Variants in CREB5 observed in about 807,000 individuals in gnomAD.
The protein encoded by CREB5 is cAMP responsive element binding protein 5, also known as cyclic AMP-responsive element-binding protein 5.
In CREB5, 19 loss-of-function variants were observed where a neutral mutation model predicts 57.1. That is an observed-to-expected ratio of 0.33 (90% CI 0.23 to 0.49). The LOEUF is 0.49. Among genes scored for constraint, CREB5 ranks in the 20% least tolerant of loss-of-function variants. The probability of loss-of-function intolerance (pLI) is 0.99; values close to 1 mark genes in which losing one functional copy is unlikely to be tolerated. For missense variants in CREB5, 579 were observed against 671.6 expected (o/e 0.86, Z 1.52); for synonymous variants, 238 against 238.3 (o/e 1.00, Z 0.01).
intron 4 of CREB5, among the ~76,000 whole-genome samples, chr7:28,561,007 T>TGTGC (rs1562798507): frequency 2.3e-5 from 1 of 44,068 alleles, no homozygotes; most frequent in Non-Finnish European, 4.2e-5. Context: ...TGCGTGTGCG[T>TGTGC]GTGTGTGTGC....
intron 5 of CREB5, among the ~76,000 whole-genome samples, chr7:28,607,721 C>A (rs1470786626): frequency 6.8e-6 from 1 of 147,268 alleles, no homozygotes; most frequent in African/African-American, 2.5e-5. Context: ...AAAATAAGAC[C>A]AGTGCCCACA....
intron 4 of CREB5, among the ~76,000 whole-genome samples, chr7:28,530,613 G>A (rs896936711): frequency 2.0e-5 from 3 of 152,196 alleles, no homozygotes; most frequent in African/African-American, 4.8e-5. Context: ...TCATATAAAA[G>A]GCTATGCAAA....
chr7:28,777,593 C>T (rs1232280416), intron 7 of CREB5, among the ~76,000 whole-genome samples: 2 of 152,164 alleles, frequency 1.3e-5, no homozygotes, highest in African/African-American at 4.8e-5. Context: ...GTCCTGCAAA[C>T]ACCACTGCAA....
At chr7:28,369,471 A>C (rs970657320) in intron 1 of CREB5, among the ~76,000 whole-genome samples, 1 of 146,294 alleles carries the variant, frequency 6.8e-6, no homozygotes, top group African/African-American at 2.4e-5. Context: ...CATTGTGGGC[A>C]AGTCACATCA....
At chr7:28,586,612 A>G (rs1796316460) in intron 5 of CREB5, among the ~76,000 whole-genome samples, 1 of 152,242 alleles carries the variant, frequency 6.6e-6, no homozygotes, top group Admixed American at 6.5e-5. Context: ...AAACTTAATC[A>G]CATTCACCAG....
intron 1 of CREB5, among the ~76,000 whole-genome samples, chr7:28,316,921 T>C (rs1411301966): frequency 6.6e-6 from 1 of 151,788 alleles, no homozygotes; most frequent in Non-Finnish European, 1.5e-5. Context: ...TGAAGATTGT[T>C]GAAAGAGCAG....
chr7:28,722,584 G>A (rs188393584), intron 6 of CREB5, among the ~76,000 whole-genome samples: 1 of 152,266 alleles, frequency 6.6e-6, no homozygotes, highest in Non-Finnish European at 1.5e-5. Context: ...TGTTATTTGT[G>A]TTTTACCACA....
At chr7:28,758,371 T>C (rs1393770753) in intron 7 of CREB5, among the ~76,000 whole-genome samples, 2 of 152,218 alleles carry the variant, frequency 1.3e-5, no homozygotes, top group African/African-American at 4.8e-5. Flanking sequence ...GAAAGGTTTG[T>C]TGTCACTGTT....
At chr7:28,370,672 A>G (rs143589621) in intron 1 of CREB5, among the ~76,000 whole-genome samples, 1 of 152,232 alleles carries the variant, frequency 6.6e-6, no homozygotes, top group African/African-American at 2.4e-5. Flanking sequence ...GACACTGCAG[A>G]AAATGTACGC....
intron 7 of CREB5, among the ~76,000 whole-genome samples, chr7:28,788,666 A>C (rs1859684): frequency 0.59 from 89,274 of 152,000 alleles, 26,685 homozygotes; most frequent in Non-Finnish European, 0.62. Context: ...AGAGAAGTGC[A>C]GAATGAGGAG....
At chr7:28,449,429 T>G (rs1789675410) in intron 1 of CREB5, among the ~76,000 whole-genome samples, 1 of 152,220 alleles carries the variant, frequency 6.6e-6, no homozygotes, top group African/African-American at 2.4e-5. Flanking sequence ...ACCTTCCCTT[T>G]GTGGCCCATC....
At chr7:28,389,482 C>A (rs550119267) in intron 1 of CREB5, among the ~76,000 whole-genome samples, 82 of 152,230 alleles carry the variant, frequency 5.4e-4, no homozygotes, top group African/African-American at 1.8e-3. Context: ...AAAATGGAGA[C>A]CTCATGGACA....
intron 1 of CREB5, among the ~76,000 whole-genome samples, chr7:28,441,826 T>A (rs1789196727): frequency 6.6e-6 from 1 of 152,212 alleles, no homozygotes; most frequent in South Asian, 2.1e-4. Flanking sequence ...AAAACTTTTT[T>A]AAATTTTAAA....
chr7:28,788,538 A>C (rs1447520194), intron 7 of CREB5, among the ~76,000 whole-genome samples: 34 of 152,238 alleles, frequency 2.2e-4, no homozygotes, highest in Admixed American at 2.2e-3. Context: ...AATGGAATCT[A>C]CTGCATTTTG....
At chr7:28,394,137 G>A (rs1164516140) in intron 1 of CREB5, among the ~76,000 whole-genome samples, 6 of 136,550 alleles carry the variant, frequency 4.4e-5, no homozygotes, top group East Asian at 4.1e-4. Flanking sequence ...AATGTATATT[G>A]CAAACTCTAG....
intron 5 of CREB5, among the ~76,000 whole-genome samples, chr7:28,589,559 C>CA (rs1386282962): frequency 6.6e-6 from 1 of 151,844 alleles, no homozygotes; most frequent in African/African-American, 2.4e-5. Context: ...GTCTCAAAAA[C>CA]AAAAACAAAA....
At position 28,784,058 on chromosome 7, in the gene CREB5, G is replaced by A. The variant is rs992534167; in HGVS notation, c.703-20141G>A. On this transcript the variant is annotated intron_variant, in intron 7 of 10. Transcript: ENST00000357727. ...TGAAAGTGGCCCCTGCAAGGGTGAT[G>A]AACAGTAATGACTGCCGTCACTCAG... is the stretch of plus-strand genomic sequence containing the variant. Among the ~76,000 whole-genome samples the A allele has an allele frequency of 5.9e-5, 9 of 152,366 alleles. No individual in the cohort carries two copies. The East Asian group carries it at 1.7e-3, about 29-fold the overall frequency.
At chr7:28,399,869 A>G in intron 1 of CREB5, among the ~76,000 whole-genome samples, 1 of 152,006 alleles carries the variant, frequency 6.6e-6, no homozygotes, top group South Asian at 2.1e-4. Context: ...AGCCTGACCA[A>G]CATGGTGAAA....
At chr7:28,518,688 T>C (rs1165191146) in intron 4 of CREB5, among the ~76,000 whole-genome samples, 1 of 152,080 alleles carries the variant, frequency 6.6e-6, no homozygotes, top group Non-Finnish European at 1.5e-5. Flanking sequence ...TGGCCCAGAA[T>C]TCTGGCAACC....
Sources: gnomAD v4.1 joint callset for allele counts (sites outside exome capture counted in the v4.1 genomes callset) on GRCh38, gnomAD v4.1.1 for gene constraint, MANE v1.5 for transcripts, NCBI Gene and HGNC (gene_info 2026-07-23, HGNC 2026-07-21) for gene names.